Variants in SEMA5A observed in about 807,000 individuals in gnomAD.
The protein encoded by SEMA5A is semaphorin 5A.
SEMA5A carries 55 observed loss-of-function variants against 135.5 expected under a neutral mutation model. That is an observed-to-expected ratio of 0.41 (90% CI 0.33 to 0.51). The LOEUF (loss-of-function observed/expected upper bound fraction) is 0.51. Among genes scored for constraint, SEMA5A ranks in the 20% least tolerant of loss-of-function variants. The pLI, the probability that SEMA5A is intolerant of heterozygous loss-of-function variation, is 0.37. For synonymous variants in SEMA5A, 580 were observed against 546.5 expected (o/e 1.06, Z -0.85); for missense variants, 1,290 against 1,419.9 (o/e 0.91, Z 1.47).
chr5:9,197,776 GTGTGTGTGTTTT>G (rs796601286), intron 9 of SEMA5A, among the ~76,000 whole-genome samples: 6,063 of 129,432 alleles, frequency 0.047, 245 homozygotes, highest in East Asian at 0.08. Flanking sequence ...GTGTGTGTGT[GTGTGTGTGTTTT>G]AACCCAGATA....
intron 1 of SEMA5A, among the ~76,000 whole-genome samples, chr5:9,501,798 A>G (rs1735613327): frequency 6.6e-6 from 1 of 152,226 alleles, no homozygotes. Flanking sequence ...TAGCTGTTAC[A>G]TGACAAAAAC....
chr5:9,072,389 A>G (rs1053714814), intron 16 of SEMA5A, among the ~76,000 whole-genome samples: 1 of 152,170 alleles, frequency 6.6e-6, no homozygotes, highest in African/African-American at 2.4e-5. Flanking sequence ...CAAAATGAAC[A>G]CACCAGTGAT....
At chr5:9,171,600 C>A (rs1185101991) in intron 11 of SEMA5A, among the ~76,000 whole-genome samples, 2 of 152,134 alleles carry the variant, frequency 1.3e-5, no homozygotes, top group Admixed American at 1.3e-4. Context: ...TTCATGGGTG[C>A]AGATTTATTT....
At chr5:9,062,831 G>A (rs16881901) in intron 18 of SEMA5A, 56 bp downstream of exon 18, 141,800 of 1,562,146 alleles carry the variant, frequency 0.091, 7,036 homozygotes, top group African/African-American at 0.14. Context: ...TAAATTAGAA[G>A]ACTCTCCAAG....
chr5:9,327,685 C>A (rs1438655205), intron 4 of SEMA5A, among the ~76,000 whole-genome samples: 1 of 152,092 alleles, frequency 6.6e-6, no homozygotes, highest in East Asian at 1.9e-4. Flanking sequence ...TATTTTCCCA[C>A]AAATATATTT....
At chr5:9,493,374 C>T (rs895028644) in intron 1 of SEMA5A, among the ~76,000 whole-genome samples, 2 of 151,362 alleles carry the variant, frequency 1.3e-5, no homozygotes, top group South Asian at 2.1e-4. Context: ...TTGTACAATC[C>T]TACACTTATA....
chr5:9,393,957 C>T (rs1756276916), intron 2 of SEMA5A, among the ~76,000 whole-genome samples: 1 of 151,700 alleles, frequency 6.6e-6, no homozygotes, highest in Admixed American at 6.6e-5. Context: ...CAGCTATATG[C>T]AAAGTAAATA....
intron 3 of SEMA5A, among the ~76,000 whole-genome samples, chr5:9,343,133 G>A (rs1214885416): frequency 6.6e-6 from 1 of 152,098 alleles, no homozygotes; most frequent in African/African-American, 2.4e-5. Context: ...ACTTTAACCT[G>A]TGAATAAAAT....
chr5:9,263,286 T>C (rs1264134219), intron 5 of SEMA5A, among the ~76,000 whole-genome samples: 2 of 152,170 alleles, frequency 1.3e-5, no homozygotes, highest in African/African-American at 2.4e-5. Flanking sequence ...GTCCATGGCC[T>C]GTTAGGAACC....
intron 3 of SEMA5A, among the ~76,000 whole-genome samples, chr5:9,347,468 T>C (rs1351658664): frequency 1.3e-5 from 2 of 152,202 alleles, no homozygotes; most frequent in Non-Finnish European, 2.9e-5. Context: ...CTGTGATAGC[T>C]CCTTTTTACT....
chr5:9,053,958 C>T, intron 19 of SEMA5A, 129 bp downstream of exon 19: 1 of 966,512 alleles, frequency 1.0e-6, no homozygotes, highest in Non-Finnish European at 1.5e-6. Flanking sequence ...AGGGTAATAG[C>T]ATGTTGCTAA....
At chr5:9,241,864 G>A (rs901186917) in intron 5 of SEMA5A, among the ~76,000 whole-genome samples, 3 of 152,104 alleles carry the variant, frequency 2.0e-5, no homozygotes, top group Admixed American at 6.5e-5. Flanking sequence ...AAGTTAATTA[G>A]ATAGGGACCA....
chr5:9,055,557 G>A (rs1736843409), intron 18 of SEMA5A, among the ~76,000 whole-genome samples: 1 of 152,126 alleles, frequency 6.6e-6, no homozygotes, highest in Non-Finnish European at 1.5e-5. Context: ...ATGGTGTAAT[G>A]TTTCTTTTTA....
intron 4 of SEMA5A, among the ~76,000 whole-genome samples, chr5:9,321,969 G>C (rs963739024): frequency 6.6e-6 from 1 of 152,090 alleles, no homozygotes; most frequent in African/African-American, 2.4e-5. Context: ...GAGAAAAGAC[G>C]ATAGCACAGT....
intron 5 of SEMA5A, among the ~76,000 whole-genome samples, chr5:9,283,578 T>C (rs984882170): frequency 6.6e-6 from 1 of 152,150 alleles, no homozygotes; most frequent in African/African-American, 2.4e-5. Context: ...ATCCCCTTAC[T>C]CTTACCATAT....
At chr5:9,385,793 G>C (rs1277481574) in intron 2 of SEMA5A, among the ~76,000 whole-genome samples, 1 of 89,094 alleles carries the variant, frequency 1.1e-5, no homozygotes, top group South Asian at 3.1e-4. Context: ...GTTGGAAAGC[G>C]CTTTTTTTTT....
chr5:9,461,922 A>G (rs13182518), intron 1 of SEMA5A, among the ~76,000 whole-genome samples: 45,692 of 152,130 alleles, frequency 0.3, 7,245 homozygotes, highest in East Asian at 0.54. Flanking sequence ...ATAATCTCCA[A>G]GTTAGCCTTT....
At chr5:9,138,541 C>T (rs577451983) in intron 12 of SEMA5A, among the ~76,000 whole-genome samples, 2 of 152,286 alleles carry the variant, frequency 1.3e-5, no homozygotes, top group African/African-American at 4.8e-5. Flanking sequence ...CTGTATAGTG[C>T]TCCATTTCTT....
At position 9,370,406 on chromosome 5, in the gene SEMA5A, G is replaced by C. The variant is rs111474776; in HGVS notation, c.124+9417C>G. Among the ~76,000 whole-genome samples the C allele has an allele frequency of 3.5e-3, 532 of 152,270 alleles. 7 individuals carry two copies. Among genetic ancestry groups the C allele is most frequent in the African/African-American group, 0.012 (491 of 41,554 alleles). On this transcript the variant is annotated intron_variant, in intron 3 of 22. Transcript: ENST00000382496. ...ATTAGAGGAATCCATTCATTTTGGT[G>C]CTTTAGCACACAACATCACTGTGGA...
Sources: gnomAD v4.1 joint callset for allele counts (sites outside exome capture counted in the v4.1 genomes callset) on GRCh38, gnomAD v4.1.1 for gene constraint, MANE v1.5 for transcripts, NCBI Gene and HGNC (gene_info 2026-07-23, HGNC 2026-07-21) for gene names.